Variants in SLC25A10 observed in about 807,000 individuals in gnomAD.
SLC25A10 encodes solute carrier family 25 member 10, also known as mitochondrial dicarboxylate carrier.
SLC25A10 carries 32 observed loss-of-function variants against 40.4 expected under a neutral mutation model. The ratio of observed to expected loss-of-function variants is 0.79; its 90% CI spans 0.60 to 1.06. The LOEUF (loss-of-function observed/expected upper bound fraction) is 1.06. Among genes scored for constraint, SLC25A10 ranks in the 50% least tolerant of loss-of-function variants. The probability of loss-of-function intolerance (pLI) is 0.00; values close to 1 mark genes in which losing one functional copy is unlikely to be tolerated. For missense variants in SLC25A10, 394 were observed against 402.6 expected (o/e 0.98, Z 0.18); for synonymous variants, 181 against 171.1 (o/e 1.06, Z -0.45).
Position 81,712,367 on chromosome 17 carries a change from C to T in SLC25A10, c.-60C>T. The T allele has an allele frequency of 3.6e-6, 4 of 1,116,398 alleles. No individual in the cohort carries two copies. Among genetic ancestry groups the T allele is most frequent in the African/African-American group, 1.6e-5 (1 of 61,112 alleles). 69.2% of individuals were successfully genotyped at this position (1,116,398 alleles called of 1,614,324 possible). A position where few individuals can be genotyped will look rare whatever the true frequency, so the allele number is the denominator to read the frequency against. On this transcript the variant is annotated 5_prime_UTR_variant, in exon 1 of 11. Coordinates refer to ENST00000350690, the MANE Select transcript of SLC25A10 (RefSeq NM_012140.5). ...GGGGCGCGGGGCGCTGCGGCCGGTA[C>T]ACGCCGGGGTAGGGCCGGGGTCGGG...
In SLC25A10 at chr17:81,712,303, C is replaced by A. The variant is rs932903647; in HGVS notation, c.-124C>A. On this transcript the variant is annotated 5_prime_UTR_variant, in exon 1 of 11. Transcript: ENST00000350690. ...GCGCGCGCATTGGCTGTGCGGGGTG[C>A]GGGCGCGCGGGCGGCGCTTTGAACC... 2 of 470,992 alleles carry A rather than the reference C, an allele frequency of 4.2e-6. No individual in the cohort carries two copies. Among genetic ancestry groups the A allele is most frequent in the South Asian group, 9.1e-5 (1 of 10,954 alleles). The allele number at this position is 470,992 out of a possible 1,614,324, so 29.2% of individuals were successfully genotyped here.
Position 81,715,513 on chromosome 17 carries a change from G to A in SLC25A10, c.249G>A (p.Glu83=). The change falls in exon 3 of 11, where the codon GAG becomes GAA. Residue 83 remains glutamate (E), a synonymous_variant. Coordinates refer to ENST00000350690, the MANE Select transcript of SLC25A10 (RefSeq NM_012140.5). The part of the protein sequence containing the change: ...TYSLTRFAIY[E]TVRDRVAKGS... Reference sequence around the variant, plus strand: ...CCCTGACTCGGTTCGCCATCTACGAGACTGTGCGGGACCGTGTGGCCAAGG... The same window carrying A: ...CCCTGACTCGGTTCGCCATCTACGAAACTGTGCGGGACCGTGTGGCCAAGG... 6.2e-7 allele frequency: 1 copy of A among 1,612,862 alleles called. No homozygotes were observed. Among genetic ancestry groups the A allele is most frequent in the South Asian group, 1.1e-5 (1 of 91,076 alleles).
At chr17:81,718,998 T>C (rs962420184) in intron 9 of SLC25A10, among the ~76,000 whole-genome samples, 1 of 151,258 alleles carries the variant, frequency 6.6e-6, no homozygotes, top group African/African-American at 2.4e-5. Flanking sequence ...TCTTTTTTTT[T>C]TCCCCTCATT....
rs1211246716 is a variant in SLC25A10, at chr17:81,720,924, TC to T, written c.*848del. ...GTCCGACGGGGCGGATGCTGCATCC[TC>T]TGCCTCCCTGGTCGCTGGGCTTCAC... On this transcript the variant is annotated 3_prime_UTR_variant, in exon 11 of 11. Transcript: ENST00000350690. 1 of 159,728 alleles carries T rather than the reference TC, an allele frequency of 6.3e-6. No homozygotes were observed. The highest frequency in any genetic ancestry group is 2.4e-5 in the African/African-American group (1 of 41,764). The allele number at this position is 159,728 out of a possible 1,614,324, so 9.9% of individuals were successfully genotyped here. A position where few individuals can be genotyped will look rare whatever the true frequency, so the allele number is the denominator to read the frequency against.
At chr17:81,715,877 G>A in intron 4 of SLC25A10, 132 bp from the exon 5 acceptor site, 1 of 1,418,960 alleles carries the variant, frequency 7.0e-7, no homozygotes, top group Admixed American at 1.8e-5. Flanking sequence ...GGGCATAGGA[G>A]GGTGGGTGTC....
rs549020689 is a variant in SLC25A10 at position 81,720,908 on chromosome 17, G to A, written c.*831G>A. 168 of 164,354 alleles carry A rather than the reference G, an allele frequency of 1.0e-3. No homozygotes were observed. Among genetic ancestry groups the A allele is most frequent in the East Asian group, 2.4e-3 (14 of 5,836 alleles). The allele number at this position is 164,354 out of a possible 1,614,324, so 10.2% of individuals were successfully genotyped here. ...TTCTCCCCGACAAGGAGTCCGACGG[G>A]GCGGATGCTGCATCCTCTGCCTCCC... On this transcript the variant is annotated 3_prime_UTR_variant, in exon 11 of 11. Transcript: ENST00000350690.
At chr17:81,719,692 C>CGCT in intron 9 of SLC25A10, 139 bp from the exon 10 acceptor site, 2 of 1,004,780 alleles carry the variant, frequency 2.0e-6, no homozygotes, top group East Asian at 4.8e-5. Context: ...CAGCAGCCGC[C>CGCT]GCTCACACCC....
chr17:81,713,725 G>A (rs1041819158), intron 1 of SLC25A10, among the ~76,000 whole-genome samples: 1 of 152,208 alleles, frequency 6.6e-6, no homozygotes, highest in Non-Finnish European at 1.5e-5. Flanking sequence ...CCTCTCCCAC[G>A]TTCATCTGGG....
At chr17:81,716,955 G>GTCCTCACCCCTT in intron 6 of SLC25A10, 47 bp from the exon 7 acceptor site, 1 of 1,588,478 alleles carries the variant, frequency 6.3e-7, no homozygotes, top group Non-Finnish European at 8.6e-7. Flanking sequence ...CCAGGTGCCT[G>GTCCTCACCCCTT]GCCTCACCCC....
chr17:81,715,431 G>A (rs773267810), intron 2 of SLC25A10, 47 bp from the exon 3 acceptor site: 1 of 1,517,460 alleles, frequency 6.6e-7, no homozygotes, highest in Non-Finnish European at 9.1e-7. Flanking sequence ...CGAGGCTGAG[G>A]GGTGTGGGGC....
intron 5 of SLC25A10, among the ~76,000 whole-genome samples, 153 bp downstream of exon 5, chr17:81,716,203 G>A (rs1019952768): frequency 1.6e-4 from 24 of 152,304 alleles, no homozygotes; most frequent in Non-Finnish European, 2.6e-4. Flanking sequence ...TTCTGGACTC[G>A]GGGGTGTCAC....
At position 81,720,545 on chromosome 17, in the gene SLC25A10, A is replaced by G; in HGVS notation, c.*468A>G. 1 of 1,276,064 alleles carries G rather than the reference A, an allele frequency of 7.8e-7. No individual in the cohort carries two copies. The allele number at this position is 1,276,064 out of a possible 1,614,324, so 79.0% of individuals were successfully genotyped here. A position where few individuals can be genotyped will look rare whatever the true frequency, so the allele number is the denominator to read the frequency against. ...CTGCACTTCGTGTCTGCTGAGAGCA[A>G]CCAGACCTTCCATGTCCTCGGGCAG... On this transcript the variant is annotated 3_prime_UTR_variant, in exon 11 of 11. Transcript: ENST00000350690.
Position 81,720,618 on chromosome 17 carries a change from C to A in SLC25A10, c.*541C>A. 1.0e-6 allele frequency: 1 copy of A among 971,282 alleles called. No individual in the cohort carries two copies. Among genetic ancestry groups the A allele is most frequent in the Non-Finnish European group, 1.3e-6 (1 of 741,048 alleles). The allele number at this position is 971,282 out of a possible 1,614,324, so 60.2% of individuals were successfully genotyped here. On this transcript the variant is annotated 3_prime_UTR_variant, in exon 11 of 11. Coordinates refer to ENST00000350690, the MANE Select transcript of SLC25A10 (RefSeq NM_012140.5). ...GCAGCTGGGTGGGATGAACAAGCAA[C>A]GCAGACCACAAGCGAGTGCCTGGGA...
chr17:81,713,842 G>C (rs775343913), intron 1 of SLC25A10, among the ~76,000 whole-genome samples: 1 of 152,236 alleles, frequency 6.6e-6, no homozygotes, highest in Non-Finnish European at 1.5e-5. Context: ...ACACCGCCTG[G>C]GGGAGGCGGG....
chr17:81,712,331 G>C lies in SLC25A10; in HGVS notation c.-96G>C. On this transcript the variant is annotated 5_prime_UTR_variant, in exon 1 of 11. Transcript: ENST00000350690. Reference sequence around the variant, plus strand: ...GCGCGCGGGCGGCGCTTTGAACCGGGCGCGGGGCGCGGGGCGCGGGGCGCT... The same window carrying C: ...GCGCGCGGGCGGCGCTTTGAACCGGCCGCGGGGCGCGGGGCGCGGGGCGCT... The C allele has an allele frequency of 1.2e-6, 1 of 829,108 alleles. No individual in the cohort carries two copies. The highest frequency in any genetic ancestry group is 1.6e-6 in the Non-Finnish European group (1 of 644,020). The allele number at this position is 829,108 out of a possible 1,614,324, so 51.4% of individuals were successfully genotyped here.
At position 81,720,244 on chromosome 17, in the gene SLC25A10, C is replaced by T; in HGVS notation, c.*167C>T. On this transcript the variant is annotated 3_prime_UTR_variant, in exon 11 of 11. Coordinates refer to ENST00000350690, the MANE Select transcript of SLC25A10 (RefSeq NM_012140.5). ...ACCTGCTGGCTGAGCTCCTCCTGGC[C>T]TCGTCCCCTCTCAGCTGTAGCTGCA... 1 of 1,450,274 alleles carries T rather than the reference C, an allele frequency of 6.9e-7. No individual in the cohort carries two copies. Among genetic ancestry groups the T allele is most frequent in the African/African-American group, 1.4e-5 (1 of 70,092 alleles). 89.8% of individuals were successfully genotyped at this position (1,450,274 alleles called of 1,614,324 possible). A position where few individuals can be genotyped will look rare whatever the true frequency, so the allele number is the denominator to read the frequency against.
chr17:81,720,423 C>T lies in SLC25A10; in HGVS notation c.*346C>T. 7.3e-7 allele frequency: 1 copy of T among 1,372,548 alleles called. No homozygotes were observed. Among genetic ancestry groups the T allele is most frequent in the Non-Finnish European group, 9.4e-7 (1 of 1,069,256 alleles). 85.0% of individuals were successfully genotyped at this position (1,372,548 alleles called of 1,614,324 possible). A position where few individuals can be genotyped will look rare whatever the true frequency, so the allele number is the denominator to read the frequency against. On this transcript the variant is annotated 3_prime_UTR_variant, in exon 11 of 11. Coordinates refer to ENST00000350690, the MANE Select transcript of SLC25A10 (RefSeq NM_012140.5). ...AGGGGTATTATCCCTGCCTCCTGCC[C>T]CCGATGCCCAAAGCAGCATCTTCCA... is the stretch of plus-strand genomic sequence containing the variant.
intron 9 of SLC25A10, 50 bp downstream of exon 9, chr17:81,717,911 C>A (rs1271202029): frequency 7.0e-7 from 1 of 1,429,584 alleles, no homozygotes; most frequent in East Asian, 2.4e-5. Flanking sequence ...CAGCGAGTCC[C>A]CTCACCTCTC....
chr17:81,715,084 G>T lies in SLC25A10; in HGVS notation c.213+12G>T. 1 of 1,607,662 alleles carries T rather than the reference G, an allele frequency of 6.2e-7. No homozygotes were observed. On this transcript the variant is annotated intron_variant, in intron 2 of 10. Coordinates refer to ENST00000350690, the MANE Select transcript of SLC25A10 (RefSeq NM_012140.5). Reference sequence around the variant, plus strand: ...CGCTGTGCAGACAGGTGCGTGGTGTGTGCCAGCCTTGGGCTCCCAGACTGG... The same window carrying T: ...CGCTGTGCAGACAGGTGCGTGGTGTTTGCCAGCCTTGGGCTCCCAGACTGG...
Sources: gnomAD v4.1 joint callset for allele counts (sites outside exome capture counted in the v4.1 genomes callset) on GRCh38, gnomAD v4.1.1 for gene constraint, MANE v1.5 for transcripts, NCBI Gene and HGNC (gene_info 2026-07-23, HGNC 2026-07-21) for gene names.